ATAD2: variants seen among roughly 807,000 people sequenced by gnomAD.
ATAD2 encodes ATPase family AAA domain-containing protein 2.
Under a neutral mutation model 168.9 loss-of-function variants are expected in ATAD2, and 62 were observed. The ratio of observed to expected loss-of-function variants is 0.37; its 90% CI spans 0.30 to 0.45. The LOEUF is 0.45. Among genes scored for constraint, ATAD2 ranks in the 20% least tolerant of loss-of-function variants. ATAD2 has a pLI of 1.00. For missense variants in ATAD2, 1,419 were observed against 1,667.8 expected (o/e 0.85, Z 2.60); for synonymous variants, 613 against 571.6 (o/e 1.07, Z -1.03).
chr8:123,341,787 G>A (rs1041361956), intron 19 of ATAD2, among the ~76,000 whole-genome samples: 6 of 152,212 alleles, frequency 3.9e-5, no homozygotes, highest in Non-Finnish European at 8.8e-5. Flanking sequence ...GCAAGAGCCT[G>A]TCCTTTCAGT....
rs772235423 is a variant in ATAD2 at position 123,361,557 on chromosome 8, C to T, written c.1139G>A (p.Arg380His). 28 of 1,612,870 alleles carry T rather than the reference C, an allele frequency of 1.7e-5. No individual in the cohort carries two copies. Among genetic ancestry groups the T allele is most frequent in the Non-Finnish European group, 2.1e-5 (25 of 1,179,194 alleles). Residue 380 changes from arginine (R) to histidine (H), a missense_variant, in exon 9 of 28, where the codon CGT becomes CAT. Around this residue, in one of 5 missense-constraint regions of ATAD2, gnomAD observed 146 missense variants for 188.3 expected, o/e 0.78. Transcript: ENST00000287394. ...QHFERRRKRS[R>H]NRAINRCLPL... ...CACTTACCTATTGATAGCCCTATTA[C>T]GACTCCTTTTCCTCCGCCTCTCAAA...
Position 123,333,929 on chromosome 8 carries a change from G to C in ATAD2, c.3427C>G (p.Gln1143Glu). The change falls in exon 24 of 28, where the codon CAG (glutamine) becomes GAG (glutamate). Residue 1143 changes from glutamine to glutamate, a missense_variant. By Grantham distance (29) the Gln-to-Glu change is conservative. Transcript: ENST00000287394. ...CTCGGTGTCTTTAGCTTTTCATTCT[G>C]CTCTGGGTCTGATCTTTTATCACCA... is the stretch of plus-strand genomic sequence containing the variant. ...LVGDKRSDPEQNEKLKTPSTP... is the reference protein window; with the variant it reads ...LVGDKRSDPEENEKLKTPSTP... 6.2e-7 allele frequency: 1 copy of C among 1,614,104 alleles called. No homozygotes were observed. The highest frequency in any genetic ancestry group is 8.5e-7 in the Non-Finnish European group (1 of 1,180,012).
chr8:123,358,304 C>T lies in ATAD2; in HGVS notation c.1383-568G>A, dbSNP rs138614682. Among the ~76,000 whole-genome samples, 840 of 152,250 alleles carry T rather than the reference C, an allele frequency of 5.5e-3. 6 individuals are homozygous for T. Among genetic ancestry groups the T allele is most frequent in the Non-Finnish European group, 9.3e-3 (631 of 68,020 alleles). ...AAAGCAATCTTCCTGTCTTAGTCTC[C>T]CAAGTCACTGGAATCACAGGTGTGA... On this transcript the variant is annotated intron_variant, in intron 11 of 27. Coordinates refer to ENST00000287394, the MANE Select transcript of ATAD2 (RefSeq NM_014109.4).
intron 8 of ATAD2, among the ~76,000 whole-genome samples, chr8:123,365,959 G>T (rs757580157): frequency 6.6e-6 from 1 of 152,110 alleles, no homozygotes; most frequent in Non-Finnish European, 1.5e-5. Flanking sequence ...AACAGCAAAA[G>T]GAAGAATCAG....
chr8:123,396,400 TC>T lies in ATAD2; in HGVS notation c.-44del, dbSNP rs761039699. On this transcript the variant is annotated 5_prime_UTR_variant, in exon 1 of 28. Transcript: ENST00000287394. ...CTCGGCGTGCGCGACCGGAGAGAGA[TC>T]CAGCTCCAGGCGCTCGCAGCTCTGG... 2 of 1,505,296 alleles carry T rather than the reference TC, an allele frequency of 1.3e-6. No homozygotes were observed. The highest frequency in any genetic ancestry group is 1.8e-6 in the Non-Finnish European group (2 of 1,129,608). The allele number at this position is 1,505,296 out of a possible 1,614,324, so 93.2% of individuals were successfully genotyped here.
At chr8:123,408,340 C>T (rs778605153) in intron 1 of ATAD2, among the ~76,000 whole-genome samples, 5 of 152,154 alleles carry the variant, frequency 3.3e-5, no homozygotes, top group African/African-American at 4.8e-5. Flanking sequence ...GGAAACCTGG[C>T]AATAAGGATT....
At chr8:123,378,483 C>T (rs981763123) in intron 2 of ATAD2, among the ~76,000 whole-genome samples, 5 of 151,932 alleles carry the variant, frequency 3.3e-5, no homozygotes, top group African/African-American at 1.2e-4. Flanking sequence ...GGGTGGATCA[C>T]CTGAAGTCAG....
intron 9 of ATAD2, among the ~76,000 whole-genome samples, chr8:123,360,239 T>G (rs561147831): frequency 2.0e-5 from 3 of 152,336 alleles, no homozygotes; most frequent in South Asian, 4.1e-4. Context: ...ATAACAATTC[T>G]GCTATGATAT....
At chr8:123,389,999 GAC>G (rs1829780599) in intron 1 of ATAD2, among the ~76,000 whole-genome samples, 1 of 54,464 alleles carries the variant, frequency 1.8e-5, no homozygotes, top group African/African-American at 5.9e-5. Context: ...TTTTTTTTTA[GAC>G]AGAGTCTTGC....
At chr8:123,359,481 G>C in intron 10 of ATAD2, 96 bp downstream of exon 10, 2 of 1,315,008 alleles carry the variant, frequency 1.5e-6, no homozygotes, top group South Asian at 1.3e-5. Flanking sequence ...TTAGAGTTTT[G>C]ACTAAAAAGA....
chr8:123,379,142 T>C (rs556793489), intron 2 of ATAD2, among the ~76,000 whole-genome samples: 4 of 152,210 alleles, frequency 2.6e-5, no homozygotes, highest in African/African-American at 9.6e-5. Flanking sequence ...ATTGGGGTTT[T>C]TCGCCCTGAA....
At chr8:123,377,438 G>A (rs976452957) in intron 2 of ATAD2, among the ~76,000 whole-genome samples, 2 of 151,960 alleles carry the variant, frequency 1.3e-5, no homozygotes, top group Non-Finnish European at 2.9e-5. Flanking sequence ...TTATAAACTT[G>A]AATAATGTAC....
At chr8:123,410,100 C>T (rs1000466083) in intron 1 of ATAD2, among the ~76,000 whole-genome samples, 3 of 151,984 alleles carry the variant, frequency 2.0e-5, no homozygotes, top group Admixed American at 2.0e-4. Flanking sequence ...TGTTATTGAT[C>T]TCTCTTCTAA....
intron 2 of ATAD2, among the ~76,000 whole-genome samples, chr8:123,376,015 G>A (rs773825630): frequency 2.7e-5 from 4 of 149,526 alleles, no homozygotes; most frequent in Non-Finnish European, 5.9e-5. Context: ...CTGAGGCAGA[G>A]AACTGCTTGA....
In ATAD2 at chr8:123,327,350, T is replaced by C. The variant is rs1399459152; in HGVS notation, c.3868+840A>G. Among the ~76,000 whole-genome samples the C allele has an allele frequency of 2.0e-5, 3 of 152,094 alleles. No homozygotes were observed. The East Asian group carries it at 5.8e-4, about 29-fold the overall frequency. On this transcript the variant is annotated intron_variant, in intron 25 of 27. Coordinates refer to ENST00000287394, the MANE Select transcript of ATAD2 (RefSeq NM_014109.4). Reference sequence around the variant, plus strand: ...AATGATAAAAGAAAAATAAAACAAATCTGATTCAAACCAAAACATATTATA... The same window carrying C: ...AATGATAAAAGAAAAATAAAACAAACCTGATTCAAACCAAAACATATTATA...
At chr8:123,358,050 G>A (rs557530607) in intron 11 of ATAD2, among the ~76,000 whole-genome samples, 88 of 152,022 alleles carry the variant, frequency 5.8e-4, no homozygotes, top group Non-Finnish European at 1.0e-3. Context: ...ATTTGTATGG[G>A]GGAAAACGTA....
At chr8:123,366,511 CA>C (rs1264247732) in intron 8 of ATAD2, among the ~76,000 whole-genome samples, 3 of 152,154 alleles carry the variant, frequency 2.0e-5, no homozygotes, top group South Asian at 2.1e-4. Flanking sequence ...GGAACCAACC[CA>C]AATGTCCATC....
At chr8:123,347,730 T>G (rs1828298484) in intron 15 of ATAD2, among the ~76,000 whole-genome samples, 1 of 152,170 alleles carries the variant, frequency 6.6e-6, no homozygotes. Flanking sequence ...CCTTAGAAGA[T>G]TCACATAATG....
At chr8:123,334,163 A>G in intron 23 of ATAD2, 37 bp downstream of exon 23, 2 of 1,558,872 alleles carry the variant, frequency 1.3e-6, no homozygotes, top group South Asian at 1.2e-5. Flanking sequence ...CATTGATAAT[A>G]TTAGGTTGGT....
Sources: gnomAD v4.1 joint callset for allele counts (sites outside exome capture counted in the v4.1 genomes callset) on GRCh38, gnomAD v4.1.1 for gene constraint, gnomAD v4.1.1 regional missense constraint, MANE v1.5 for transcripts, NCBI Gene and HGNC (gene_info 2026-07-23, HGNC 2026-07-21) for gene names.